Variants in UBAP2 observed in about 807,000 individuals in gnomAD.
UBAP2 encodes ubiquitin-associated protein 2.
A neutral mutation model predicts 139.6 loss-of-function variants in UBAP2; 75 were observed. That is an observed-to-expected ratio of 0.54 (90% confidence interval 0.45 to 0.65). The LOEUF (loss-of-function observed/expected upper bound fraction) is 0.65. UBAP2 is among the 30% of genes least tolerant of loss of function. The pLI is 0.00. For missense variants in UBAP2, 1,368 were observed against 1,369.6 expected (o/e 1.00, Z 0.02); for synonymous variants, 526 against 526.2 (o/e 1.00, Z 0.01).
At chr9:34,033,908 G>A (rs532299117) in intron 1 of UBAP2, among the ~76,000 whole-genome samples, 1 of 151,882 alleles carries the variant, frequency 6.6e-6, no homozygotes, top group Non-Finnish European at 1.5e-5. Flanking sequence ...GCTAATTTTT[G>A]CATTTTTAGT....
At chr9:34,029,526 C>CAA (rs147026685) in intron 1 of UBAP2, among the ~76,000 whole-genome samples, 21 of 131,616 alleles carry the variant, frequency 1.6e-4, no homozygotes, top group African/African-American at 4.5e-4. Context: ...CAAAACTTCT[C>CAA]AAAAAAAAAA....
At position 33,984,044 on chromosome 9, in the gene UBAP2, C is replaced by T. The variant is rs1381839023; in HGVS notation, c.520+2716G>A. Among the ~76,000 whole-genome samples, 8 of 152,176 alleles carry T rather than the reference C, an allele frequency of 5.3e-5. No homozygotes were observed. The South Asian group carries it at 1.5e-3, about 28-fold the overall frequency. On this transcript the variant is annotated intron_variant, in intron 6 of 28. Transcript: ENST00000379238. Reference sequence around the variant, plus strand: ...TCAGCGTCCCGAGTAGCTGGAACTACAGGCACACACCACCATGCCCAGCTA... The same window carrying T: ...TCAGCGTCCCGAGTAGCTGGAACTATAGGCACACACCACCATGCCCAGCTA...
At position 34,021,151 on chromosome 9, in the gene UBAP2, C is replaced by G. The variant is rs1288487350; in HGVS notation, c.-41-3962G>C. Among the ~76,000 whole-genome samples, 3 of 152,184 alleles carry G rather than the reference C, an allele frequency of 2.0e-5. No individual in the cohort carries two copies. In the East Asian group the frequency reaches 5.8e-4, roughly 29 times the overall value. On this transcript the variant is annotated intron_variant, in intron 1 of 28. Coordinates refer to ENST00000379238, the MANE Select transcript of UBAP2 (RefSeq NM_001370062.2). ...ATAATTCATCATACTAATTCAGGTA[C>G]CAAAGAAAATTGTGTCCCTGAAACC...
At chr9:34,024,530 G>C (rs185063056) in intron 1 of UBAP2, among the ~76,000 whole-genome samples, 1 of 152,192 alleles carries the variant, frequency 6.6e-6, no homozygotes, top group Non-Finnish European at 1.5e-5. Context: ...TAATATTAAA[G>C]ATGTCCAGCA....
intron 1 of UBAP2, among the ~76,000 whole-genome samples, chr9:34,020,095 G>A (rs1271644698): frequency 4.0e-5 from 6 of 150,326 alleles, no homozygotes; most frequent in Admixed American, 6.6e-5. Flanking sequence ...GGGAGGCGGA[G>A]GTTGCAGTGA....
At chr9:34,016,295 AAG>A (rs1824298337) in intron 2 of UBAP2, among the ~76,000 whole-genome samples, 2 of 92,988 alleles carry the variant, frequency 2.2e-5, no homozygotes, top group Non-Finnish European at 2.2e-5. Flanking sequence ...GAGGAGGAGG[AAG>A]AGGAGGAAGA....
chr9:34,035,968 C>T (rs1826331961), intron 1 of UBAP2, among the ~76,000 whole-genome samples: 3 of 151,900 alleles, frequency 2.0e-5, no homozygotes, highest in Non-Finnish European at 4.4e-5. Flanking sequence ...GATCGCATCA[C>T]TGCATTCCTG....
chr9:33,924,040 A>C, intron 23 of UBAP2, 40 bp from the exon 24 acceptor site: 1 of 1,609,364 alleles, frequency 6.2e-7, no homozygotes, highest in Non-Finnish European at 8.5e-7. Context: ...CCCTTCCTCC[A>C]ACCAGAGAAA....
At chr9:33,968,060 C>T in intron 8 of UBAP2, 1 of 441,550 alleles carries the variant, frequency 2.3e-6, no homozygotes, top group Non-Finnish European at 4.4e-6. Flanking sequence ...GATTTCTTCT[C>T]AAAAGGCACT....
In UBAP2 at chr9:33,944,433, C is replaced by T; in HGVS notation, c.1477G>A (p.Val493Met). ...TTGGGCTGTGGCTGGTGGACAGACACAGAGATATTTTCAATGGTCGTGCTG... is the reference window on the plus strand; with the variant it reads ...TTGGGCTGTGGCTGGTGGACAGACATAGAGATATTTTCAATGGTCGTGCTG... ...LPSTTIENIS[V>M]SVHQPQPKHI... Residue 493 changes from valine (V) to methionine (M), a missense_variant, in exon 14 of 29, where the codon GTG (valine) becomes ATG (methionine). Transcript: ENST00000379238. 3.1e-6 allele frequency: 5 copies of T among 1,614,064 alleles called. No homozygotes were observed. The highest frequency in any genetic ancestry group is 4.2e-6 in the Non-Finnish European group (5 of 1,180,016).
chr9:34,039,179 C>T (rs1266658705), intron 1 of UBAP2, among the ~76,000 whole-genome samples: 1 of 151,050 alleles, frequency 6.6e-6, no homozygotes, highest in Non-Finnish European at 1.5e-5. Flanking sequence ...CCGCCCCTTC[C>T]GGGAGGGAGG....
intron 6 of UBAP2, among the ~76,000 whole-genome samples, chr9:33,981,521 A>C (rs1195660361): frequency 7.1e-6 from 1 of 140,850 alleles, no homozygotes; most frequent in Non-Finnish European, 1.5e-5. Context: ...ATGCCCGGCT[A>C]ATTTTTTTTT....
chr9:33,922,338 A>C lies in UBAP2; in HGVS notation c.*166T>G. ...CTATCACATTTACAAATACATACATAAATACATTACATACAGTAGCCAGTC... is the reference window on the plus strand; with the variant it reads ...CTATCACATTTACAAATACATACATCAATACATTACATACAGTAGCCAGTC... On this transcript the variant is annotated 3_prime_UTR_variant, in exon 29 of 29. Transcript: ENST00000379238. 2.9e-6 allele frequency: 2 copies of C among 681,846 alleles called. No individual in the cohort carries two copies. Among genetic ancestry groups the C allele is most frequent in the South Asian group, 3.6e-5 (2 of 55,062 alleles). The allele number at this position is 681,846 out of a possible 1,614,324, so 42.2% of individuals were successfully genotyped here.
chr9:33,959,113 A>C (rs1157273103), intron 10 of UBAP2, among the ~76,000 whole-genome samples: 1 of 151,764 alleles, frequency 6.6e-6, no homozygotes, highest in Non-Finnish European at 1.5e-5. Flanking sequence ...GTGCCTCTGC[A>C]CTCCAGCCTG....
Position 33,924,256 on chromosome 9 carries a change from G to A in UBAP2, c.2540C>T (p.Pro847Leu), listed in dbSNP as rs752888638. The A allele has an allele frequency of 1.1e-5, 18 of 1,614,046 alleles. No homozygotes were observed. Among genetic ancestry groups the A allele is most frequent in the Non-Finnish European group, 5.1e-6 (6 of 1,180,022 alleles). Reference protein sequence around the residue: ...VDYYGIPFAAPTALASRDGSL... With the variant: ...VDYYGIPFAALTALASRDGSL... ...CCCATCTCGGCTGGCAAGCGCTGTG[G>A]GTGCAGCAAAGGGAATTCCATAGTA... is the stretch of plus-strand genomic sequence containing the variant. Residue 847 changes from proline to leucine, a missense_variant, in exon 23 of 29, where the codon CCC (proline) becomes CTC (leucine). Transcript: ENST00000379238.
intron 2 of UBAP2, among the ~76,000 whole-genome samples, chr9:33,999,725 T>C (rs1822520895): frequency 6.6e-6 from 1 of 152,040 alleles, no homozygotes; most frequent in South Asian, 2.1e-4. Context: ...ATTTTTTCTT[T>C]TTTTGAGATG....
At chr9:33,929,984 A>G (rs1487420939) in intron 19 of UBAP2, among the ~76,000 whole-genome samples, 2 of 152,226 alleles carry the variant, frequency 1.3e-5, no homozygotes, top group Non-Finnish European at 2.9e-5. Context: ...AGCCTAGGCC[A>G]CAAGAGTAAA....
Position 33,922,724 on chromosome 9 carries a change from G to A in UBAP2, c.3227C>T (p.Ser1076Leu). 6.4e-7 allele frequency: 1 copy of A among 1,552,092 alleles called. No individual in the cohort carries two copies. The highest frequency in any genetic ancestry group is 8.7e-7 in the Non-Finnish European group (1 of 1,149,994). The change falls in exon 28 of 29, where the codon TCA (serine) becomes TTA (leucine). Residue 1076 changes from serine (S) to leucine (L), a missense_variant. By Grantham distance (145) the Ser-to-Leu change is moderately radical. Transcript: ENST00000379238. ...CGGAAGGTGGTGGTGCAGCAGCTGT[G>A]AGTGGGGCTGCTGGTGGGCTGGCAA... The part of the protein sequence containing the change: ...HILPAHQQPH[S>L]QLLHHHLPQD...
intron 17 of UBAP2, among the ~76,000 whole-genome samples, chr9:33,935,163 C>CAG (rs1310293296): frequency 4.5e-5 from 4 of 87,962 alleles, no homozygotes; most frequent in East Asian, 2.6e-4. Context: ...TTGGAAGTGG[C>CAG]GGGGGGGGGG....
Sources: allele counts gnomAD v4.1 joint callset (sites outside exome capture counted in the v4.1 genomes callset), GRCh38; gene constraint gnomAD v4.1.1; transcripts MANE v1.5; gene names NCBI Gene and HGNC (gene_info 2026-07-23, HGNC 2026-07-21).